VIPR2: variants seen among roughly 807,000 people sequenced by gnomAD.
VIPR2 encodes vasoactive intestinal polypeptide receptor 2.
A neutral mutation model predicts 58.0 loss-of-function variants in VIPR2; 48 were observed. The ratio of observed to expected loss-of-function variants is 0.83; its 90% CI spans 0.66 to 1.05. The LOEUF (loss-of-function observed/expected upper bound fraction) is 1.05, where lower values mean the gene tolerates loss of function less well. Ranked by LOEUF, VIPR2 falls within the 50% of genes least tolerant of loss-of-function variation. The pLI, the probability that VIPR2 is intolerant of heterozygous loss-of-function variation, is 0.00. For synonymous variants in VIPR2, 243 were observed against 235.2 expected, an observed-to-expected ratio of 1.03 and a Z score of -0.30; for missense variants, 534 against 558.0, an observed-to-expected ratio of 0.96 and a Z score of 0.43.
chr7:159,138,564 A>G (rs1797321873), intron 2 of VIPR2, among the ~76,000 whole-genome samples: 1 of 152,410 alleles, frequency 6.6e-6, no homozygotes, highest in African/African-American at 2.4e-5. Context: ...AGAATACTAT[A>G]GCAGCTCTTA....
intron 4 of VIPR2, among the ~76,000 whole-genome samples, chr7:159,074,101 G>C (rs1393035320): frequency 2.0e-5 from 3 of 152,172 alleles, no homozygotes; most frequent in Admixed American, 2.0e-4. Flanking sequence ...AAACAAAACT[G>C]TTGCTTGTGG....
At chr7:159,133,828 C>A (rs1255715076) in intron 2 of VIPR2, among the ~76,000 whole-genome samples, 3 of 152,142 alleles carry the variant, frequency 2.0e-5, no homozygotes, top group Non-Finnish European at 1.5e-5. Context: ...CAATGGTTTT[C>A]AAGTTCATCT....
chr7:159,112,280 C>G (rs372456826), intron 2 of VIPR2, among the ~76,000 whole-genome samples: 1 of 152,196 alleles, frequency 6.6e-6, no homozygotes, highest in East Asian at 1.9e-4. Context: ...CAGAGCTAGA[C>G]GCTGTCAGGA....
At chr7:159,138,343 C>T (rs1797314441) in intron 2 of VIPR2, among the ~76,000 whole-genome samples, 1 of 152,180 alleles carries the variant, frequency 6.6e-6, no homozygotes. Context: ...ACAACCGACA[C>T]AGGAATGAGA....
At position 159,030,767 on chromosome 7, in the gene VIPR2, T is replaced by C; in HGVS notation, c.1166A>G (p.Lys389Arg). The C allele has an allele frequency of 6.3e-7, 1 of 1,595,200 alleles. No homozygotes were observed. ...CGGGGTCGGGCACCGGCTTCGCCAT[T>C]TTCGCTTCAGCTCGCACTGCACCTG... Reference protein sequence around the residue: ...NSEVQCELKRKWRSRCPTPSA... With the variant: ...NSEVQCELKRRWRSRCPTPSA... The change falls in exon 13 of 13, where the codon AAA becomes AGA. Residue 389 changes from lysine to arginine, a missense_variant. By Grantham distance (26) the Lys-to-Arg change is conservative. Coordinates refer to ENST00000262178, the MANE Select transcript of VIPR2 (RefSeq NM_003382.5).
chr7:159,031,493 C>A lies in VIPR2; in HGVS notation c.1143+335G>T. 1.0e-6 allele frequency: 1 copy of A among 985,350 alleles called. No homozygotes were observed. Among genetic ancestry groups the A allele is most frequent in the Non-Finnish European group, 1.2e-6 (1 of 829,920 alleles). 61.0% of individuals were successfully genotyped at this position (985,350 alleles called of 1,614,324 possible). A position where few individuals can be genotyped will look rare whatever the true frequency, so the allele number is the denominator to read the frequency against. ...CCCAGGCCCGGCTTTCTGGGACTCA[C>A]AAGCTATGGTCAGGAGCGAGACGCC... On this transcript the variant is annotated intron_variant, in intron 12 of 12. Transcript: ENST00000262178. This position sits in a 1 kb window ranked among gnomAD's most constrained non-coding sequence, Gnocchi z 4.0.
intron 4 of VIPR2, among the ~76,000 whole-genome samples, chr7:159,101,460 A>G (rs866962490): frequency 4.5e-4 from 57 of 127,638 alleles, no homozygotes; most frequent in African/African-American, 1.7e-3. Context: ...TGTGGTAGTG[A>G]ATGAGTCTCA....
At chr7:159,066,394 G>A (rs148449483) in intron 4 of VIPR2, among the ~76,000 whole-genome samples, 1 of 143,024 alleles carries the variant, frequency 7.0e-6, no homozygotes, top group African/African-American at 2.7e-5. Context: ...TAGGATGCCT[G>A]CTCCTGCAGC....
At chr7:159,033,052 T>C (rs999250018) in intron 10 of VIPR2, among the ~76,000 whole-genome samples, 2 of 152,148 alleles carry the variant, frequency 1.3e-5, no homozygotes, top group Non-Finnish European at 2.9e-5. Flanking sequence ...GATTCTCTGG[T>C]TTACCAGACT....
rs74392835 is a variant in VIPR2 at position 159,028,537 on chromosome 7, G to C, written c.*2079C>G. ...CCCCTCTGGGTCACAGCTCAGTGTC[G>C]GCACCTGGCCACTGACCCAACACCT... On this transcript the variant is annotated 3_prime_UTR_variant, in exon 13 of 13. Coordinates refer to ENST00000262178, the MANE Select transcript of VIPR2 (RefSeq NM_003382.5). The C allele has an allele frequency of 1.3e-5, 2 of 152,288 alleles. No homozygotes were observed. The highest frequency in any genetic ancestry group is 4.8e-5 in the African/African-American group (2 of 41,428). 9.4% of individuals were successfully genotyped at this position (152,288 alleles called of 1,614,324 possible).
At chr7:159,135,021 T>A (rs1797150951) in intron 2 of VIPR2, among the ~76,000 whole-genome samples, 2 of 104,370 alleles carry the variant, frequency 1.9e-5, no homozygotes, top group African/African-American at 7.3e-5. Context: ...TTTTTTTTTT[T>A]TTTTTTTTTA....
At position 159,099,317 on chromosome 7, in the gene VIPR2, T is replaced by C. The variant is rs1247450825; in HGVS notation, c.357+4440A>G. Among the ~76,000 whole-genome samples, 2 of 152,216 alleles carry C rather than the reference T, an allele frequency of 1.3e-5. No individual in the cohort carries two copies. Among genetic ancestry groups the C allele is most frequent in the African/African-American group, 4.8e-5 (2 of 41,456 alleles). On this transcript the variant is annotated intron_variant, in intron 4 of 12. Coordinates refer to ENST00000262178, the MANE Select transcript of VIPR2 (RefSeq NM_003382.5). This position sits in a 1 kb window ranked among gnomAD's most constrained non-coding sequence, Gnocchi z 4.2. ...AAGCATCAGGGGATCACAGAGCCACTATGCTCACGCAGGCAGGGTTTACTT... is the reference window on the plus strand; with the variant it reads ...AAGCATCAGGGGATCACAGAGCCACCATGCTCACGCAGGCAGGGTTTACTT...
intron 3 of VIPR2, among the ~76,000 whole-genome samples, chr7:159,105,046 A>G (rs1858564093): frequency 6.6e-6 from 1 of 152,264 alleles, no homozygotes; most frequent in African/African-American, 2.4e-5. Flanking sequence ...TTACAATCTC[A>G]TCTTTTGCGC....
Position 159,090,388 on chromosome 7 carries a change from G to A in VIPR2, c.357+13369C>T, listed in dbSNP as rs1223013447. ...ACCTCTTGTGACCATCACAATCCCC[G>A]GTGACCTCAGCAGAGACACACTGGG... On this transcript the variant is annotated intron_variant, in intron 4 of 12. Coordinates refer to ENST00000262178, the MANE Select transcript of VIPR2 (RefSeq NM_003382.5). Among the ~76,000 whole-genome samples the A allele has an allele frequency of 9.6e-5, 6 of 62,398 alleles. No homozygotes were observed. In the East Asian group the frequency reaches 2.3e-3, roughly 24 times the overall value. 40.9% of individuals were successfully genotyped at this position (62,398 alleles called of 152,430 possible).
chr7:159,124,287 A>G (rs1433312712), intron 2 of VIPR2, among the ~76,000 whole-genome samples: 1 of 152,150 alleles, frequency 6.6e-6, no homozygotes, highest in East Asian at 1.9e-4. Context: ...GGGGTTTTAC[A>G]TTTAAGTCTT....
At position 159,062,642 on chromosome 7, in the gene VIPR2, G is replaced by A. The variant is rs797016074; in HGVS notation, c.358-4064C>T. Among the ~76,000 whole-genome samples, 12 of 152,206 alleles carry A rather than the reference G, an allele frequency of 7.9e-5. No individual in the cohort carries two copies. The East Asian group carries it at 1.4e-3, about 17-fold the overall frequency. ...CTAGTGAGTATTACAGCTCATAAGC[G>A]CAGTGCTGACCCAAAGAACAAGCAG... is the stretch of plus-strand genomic sequence containing the variant. On this transcript the variant is annotated intron_variant, in intron 4 of 12. Coordinates refer to ENST00000262178, the MANE Select transcript of VIPR2 (RefSeq NM_003382.5).
chr7:159,106,890 A>G (rs1264442974), intron 3 of VIPR2, among the ~76,000 whole-genome samples: 13 of 93,156 alleles, frequency 1.4e-4, no homozygotes, highest in African/African-American at 2.5e-4. Flanking sequence ...GAGGTGCAGA[A>G]AGAGGCCAGG....
chr7:159,055,713 C>T (rs1219498141), intron 5 of VIPR2, among the ~76,000 whole-genome samples: 1 of 152,166 alleles, frequency 6.6e-6, no homozygotes, highest in Non-Finnish European at 1.5e-5. Context: ...CTCTTCCACC[C>T]CCTGTGTTTC....
intron 4 of VIPR2, among the ~76,000 whole-genome samples, chr7:159,060,969 G>C (rs181863297): frequency 5.3e-5 from 8 of 152,292 alleles, no homozygotes; most frequent in Non-Finnish European, 1.2e-4. Context: ...ACAAAGCAAA[G>C]ACATGGAATC....
Sources: gnomAD v4.1 joint callset for allele counts (sites outside exome capture counted in the v4.1 genomes callset) on GRCh38, gnomAD v4.1.1 for gene constraint, Gnocchi (gnomAD v3.1) non-coding constraint, MANE v1.5 for transcripts, NCBI Gene and HGNC (gene_info 2026-07-23, HGNC 2026-07-21) for gene names.